Variants in GALNT10 observed in about 807,000 individuals in gnomAD.
GALNT10 encodes polypeptide N-acetylgalactosaminyltransferase 10.
Under a neutral mutation model 75.0 loss-of-function variants are expected in GALNT10, and 41 were observed. The observed-to-expected ratio is 0.55, with a 90% CI of 0.43 to 0.71. The LOEUF is 0.71. Ranked by LOEUF, GALNT10 falls within the 30% of genes least tolerant of loss-of-function variation. GALNT10 has a pLI of 0.00. For synonymous variants in GALNT10, 302 were observed against 313.0 expected (o/e 0.96, Z 0.37); for missense variants, 727 against 818.5 (o/e 0.89, Z 1.36).
chr5:154,221,831 A>G (rs527791447), intron 1 of GALNT10, among the ~76,000 whole-genome samples: 2 of 152,142 alleles, frequency 1.3e-5, no homozygotes, highest in African/African-American at 2.4e-5. Context: ...GCCACTCTTT[A>G]TGCTGACACC....
chr5:154,338,622 C>A (rs1754982186), intron 4 of GALNT10, among the ~76,000 whole-genome samples: 1 of 152,312 alleles, frequency 6.6e-6, no homozygotes, highest in East Asian at 1.9e-4. Context: ...TAGTGGGAAT[C>A]TACATTTAGT....
At chr5:154,329,768 C>T in intron 4 of GALNT10, 30 bp downstream of exon 4, 1 of 1,556,328 alleles carries the variant, frequency 6.4e-7, no homozygotes, top group South Asian at 1.1e-5. Context: ...GCCTCCCACC[C>T]TCTGTGCTTC....
chr5:154,394,903 T>C (rs538925043), intron 7 of GALNT10, among the ~76,000 whole-genome samples: 1 of 152,246 alleles, frequency 6.6e-6, no homozygotes, highest in Non-Finnish European at 1.5e-5. Context: ...ATTTTCGTCC[T>C]GGGGCCACAT....
At chr5:154,374,307 C>T (rs17636743) in intron 4 of GALNT10, among the ~76,000 whole-genome samples, 4,721 of 152,218 alleles carry the variant, frequency 0.031, 124 homozygotes, top group Middle Eastern at 0.12. Flanking sequence ...AGCCTTCTAG[C>T]CTCTGGTTGT....
chr5:154,192,351 C>T (rs2113636420), intron 1 of GALNT10, among the ~76,000 whole-genome samples: 1 of 152,342 alleles, frequency 6.6e-6, no homozygotes, highest in African/African-American at 2.4e-5. Context: ...ACTAAGGTTT[C>T]CATCTCTTTC....
intron 1 of GALNT10, 82 bp downstream of exon 1, chr5:154,191,107 GC>G (rs113838947): frequency 0.13 from 125,406 of 945,280 alleles, 9,052 homozygotes; most frequent in Non-Finnish European, 0.14. Context: ...TCCACCTTCT[GC>G]TGTCTGCCTC....
intron 4 of GALNT10, among the ~76,000 whole-genome samples, chr5:154,345,788 A>G (rs1281406838): frequency 6.8e-6 from 1 of 146,478 alleles, no homozygotes; most frequent in Non-Finnish European, 1.5e-5. Flanking sequence ...GGCCTGCACC[A>G]CTACACCCGG....
intron 1 of GALNT10, among the ~76,000 whole-genome samples, chr5:154,231,795 T>C (rs538575987): frequency 8.5e-5 from 13 of 152,382 alleles, no homozygotes; most frequent in African/African-American, 3.1e-4. Flanking sequence ...TCTACCTCTA[T>C]GTGCCTTTGT....
At chr5:154,393,463 T>C (rs1214361310) in intron 7 of GALNT10, among the ~76,000 whole-genome samples, 1 of 152,220 alleles carries the variant, frequency 6.6e-6, no homozygotes, top group Non-Finnish European at 1.5e-5. Flanking sequence ...CAGCCGTCTC[T>C]TTCTACCTAA....
At chr5:154,328,082 G>GA (rs771101675) in intron 3 of GALNT10, among the ~76,000 whole-genome samples, 1,116 of 87,818 alleles carry the variant, frequency 0.013, 10 homozygotes, top group Non-Finnish European at 0.019. Context: ...AAATCGAAGG[G>GA]GAAAAAAAAA....
At chr5:154,276,550 CAAAGGGGAGGGGATTAT>C (rs1310128757) in intron 1 of GALNT10, among the ~76,000 whole-genome samples, 1 of 152,144 alleles carries the variant, frequency 6.6e-6, no homozygotes, top group Non-Finnish European at 1.5e-5. Flanking sequence ...CATCTCCACT[CAAAGGGGAGGGGATTAT>C]AGGAGGATGA....
intron 1 of GALNT10, among the ~76,000 whole-genome samples, chr5:154,220,761 G>C (rs1480826273): frequency 6.6e-6 from 1 of 152,196 alleles, no homozygotes; most frequent in East Asian, 1.9e-4. Flanking sequence ...TGGACTAGAA[G>C]AAGTCCAGGT....
chr5:154,324,445 G>A (rs1405229331), intron 3 of GALNT10, among the ~76,000 whole-genome samples: 2 of 152,242 alleles, frequency 1.3e-5, no homozygotes, highest in East Asian at 3.8e-4. Flanking sequence ...GGGCTCACAT[G>A]CAGCCACATG....
chr5:154,272,987 G>C (rs2113040944), intron 1 of GALNT10, among the ~76,000 whole-genome samples: 1 of 152,206 alleles, frequency 6.6e-6, no homozygotes, highest in Non-Finnish European at 1.5e-5. Flanking sequence ...GCAGTTTCTG[G>C]TGGTTAGGAA....
intron 4 of GALNT10, among the ~76,000 whole-genome samples, chr5:154,367,700 AAAAC>A (rs1458844254): frequency 3.3e-5 from 5 of 152,040 alleles, no homozygotes; most frequent in Non-Finnish European, 5.9e-5. Context: ...TGAAAATACA[AAAAC>A]AAAATTAGCT....
chr5:154,204,176 C>G (rs1320175802), intron 1 of GALNT10, among the ~76,000 whole-genome samples: 12 of 152,166 alleles, frequency 7.9e-5, no homozygotes, highest in African/African-American at 2.9e-4. Context: ...TGCTTCCGTC[C>G]TCTCCTATGT....
chr5:154,335,210 A>T (rs1176729603), intron 4 of GALNT10, among the ~76,000 whole-genome samples: 2 of 152,148 alleles, frequency 1.3e-5, no homozygotes, highest in African/African-American at 4.8e-5. Flanking sequence ...AAAGTAATTC[A>T]TATTCATGTA....
intron 1 of GALNT10, among the ~76,000 whole-genome samples, chr5:154,193,484 GGCT>G (rs1166740814): frequency 6.6e-6 from 1 of 152,216 alleles, no homozygotes; most frequent in Non-Finnish European, 1.5e-5. Flanking sequence ...TAACATGCCA[GGCT>G]GCTATCTGGG....
At chr5:154,239,587 A>T (rs910395788) in intron 1 of GALNT10, among the ~76,000 whole-genome samples, 5 of 152,204 alleles carry the variant, frequency 3.3e-5, no homozygotes, top group African/African-American at 4.8e-5. Context: ...CATCCGTGGA[A>T]AAATTGTCTT....
Sources: allele counts gnomAD v4.1 joint callset (sites outside exome capture counted in the v4.1 genomes callset), GRCh38; gene constraint gnomAD v4.1.1; transcripts MANE v1.5; gene names NCBI Gene and HGNC (gene_info 2026-07-23, HGNC 2026-07-21).